Variants in FGGY observed in about 807,000 individuals in gnomAD.
FGGY encodes FGGY carbohydrate kinase domain containing, also known as FGGY carbohydrate kinase domain-containing protein.
FGGY carries 72 observed loss-of-function variants against 71.3 expected under a neutral mutation model. That is an observed-to-expected ratio of 1.01 (90% CI 0.84 to 1.23). FGGY has a LOEUF of 1.23. FGGY is among the 50% of genes most tolerant of loss of function. The pLI is 0.00. For missense variants in FGGY, 668 were observed against 682.3 expected (o/e 0.98, Z 0.23); for synonymous variants, 251 against 250.3 (o/e 1.00, Z -0.02).
At chr1:59,306,059 C>G (rs1478626478) in intron 1 of FGGY, among the ~76,000 whole-genome samples, 1 of 152,168 alleles carries the variant, frequency 6.6e-6, no homozygotes, top group Non-Finnish European at 1.5e-5. Context: ...AAGGACTTAT[C>G]TCATTTTTTC....
intron 14 of FGGY, among the ~76,000 whole-genome samples, chr1:59,677,157 C>T (rs1022810079): frequency 6.6e-6 from 1 of 152,174 alleles, no homozygotes; most frequent in Non-Finnish European, 1.5e-5. Flanking sequence ...AACCTTTGTG[C>T]CCCAGGTCTG....
chr1:59,668,991 CAAAAAAAAAA>C, intron 13 of FGGY, among the ~76,000 whole-genome samples: 1 of 37,120 alleles, frequency 2.7e-5, no homozygotes, highest in South Asian at 9.1e-4. Context: ...AACTCCATCT[CAAAAAAAAAA>C]AAAAAAAAAA....
intron 13 of FGGY, among the ~76,000 whole-genome samples, chr1:59,668,708 C>T (rs1453676826): frequency 6.6e-6 from 1 of 152,074 alleles, no homozygotes; most frequent in Non-Finnish European, 1.5e-5. Context: ...GTCAGCCGGG[C>T]ACGGTGGCTC....
intron 5 of FGGY, among the ~76,000 whole-genome samples, chr1:59,404,079 A>G (rs17119406): frequency 0.042 from 6,326 of 152,292 alleles, 391 homozygotes; most frequent in African/African-American, 0.14. Context: ...ACAACTTGCA[A>G]GGGAACTGGA....
At chr1:59,749,077 G>T (rs1558984054) in intron 14 of FGGY, among the ~76,000 whole-genome samples, 1 of 152,300 alleles carries the variant, frequency 6.6e-6, no homozygotes, top group East Asian at 1.9e-4. Context: ...TGAACACAGG[G>T]AGGTATTGAG....
At chr1:59,619,218 ACT>A (rs2096785692) in intron 9 of FGGY, among the ~76,000 whole-genome samples, 1 of 152,090 alleles carries the variant, frequency 6.6e-6, no homozygotes, top group African/African-American at 2.4e-5. Flanking sequence ...TATTTGAGGT[ACT>A]GTTCTGAGTG....
chr1:59,440,669 G>A (rs774743698), intron 5 of FGGY, among the ~76,000 whole-genome samples: 13 of 147,194 alleles, frequency 8.8e-5, no homozygotes, highest in Non-Finnish European at 1.6e-4. Context: ...CTAGTGTGCA[G>A]TGTAGTATGG....
chr1:59,747,847 A>G (rs2179662), intron 14 of FGGY, among the ~76,000 whole-genome samples: 125,030 of 152,132 alleles, frequency 0.82, 51,479 homozygotes, highest in East Asian at 0.89. Flanking sequence ...ATCAGAAGAA[A>G]ATAAATTGTC....
Position 59,432,953 on chromosome 1 carries a change from C to T in FGGY, c.555-24008C>T, listed in dbSNP as rs148189474. Among the ~76,000 whole-genome samples the T allele has an allele frequency of 2.6e-5, 4 of 152,314 alleles. No individual in the cohort carries two copies. In the East Asian group the frequency reaches 7.7e-4, roughly 29 times the overall value. On this transcript the variant is annotated intron_variant, in intron 5 of 15. Transcript: ENST00000303721. ...GACTGTGGGTAGTTTTCAATCCAGTCACACTAAATGCCAGTTATTTCCTTA... is the reference window on the plus strand; with the variant it reads ...GACTGTGGGTAGTTTTCAATCCAGTTACACTAAATGCCAGTTATTTCCTTA...
At chr1:59,587,448 C>T (rs954563710) in intron 8 of FGGY, among the ~76,000 whole-genome samples, 10 of 152,114 alleles carry the variant, frequency 6.6e-5, no homozygotes, top group African/African-American at 2.4e-4. Flanking sequence ...AGCAGTGGTT[C>T]TCCCAGCACG....
At position 59,545,169 on chromosome 1, in the gene FGGY, T is replaced by C. The variant is rs116474182; in HGVS notation, c.800-8955T>C. ...ATCTTGTAGAATACAAGGAAACAACTTTCATCTTTAGATTTCTAGCACCCA... is the reference window on the plus strand; with the variant it reads ...ATCTTGTAGAATACAAGGAAACAACCTTCATCTTTAGATTTCTAGCACCCA... On this transcript the variant is annotated intron_variant, in intron 7 of 15. Transcript: ENST00000303721. Among the ~76,000 whole-genome samples, 478 of 152,354 alleles carry C rather than the reference T, an allele frequency of 3.1e-3. 2 individuals carry two copies. The highest frequency in any genetic ancestry group is 0.011 in the African/African-American group (453 of 41,582).
intron 8 of FGGY, among the ~76,000 whole-genome samples, chr1:59,585,654 G>T (rs1428714386): frequency 6.6e-6 from 1 of 152,136 alleles, no homozygotes; most frequent in Non-Finnish European, 1.5e-5. Flanking sequence ...GGCAACAAAA[G>T]CCAAAATTGA....
At chr1:59,546,934 G>A (rs1416471453) in intron 7 of FGGY, among the ~76,000 whole-genome samples, 1 of 150,518 alleles carries the variant, frequency 6.6e-6, no homozygotes, top group African/African-American at 2.5e-5. Context: ...ATGAAACATT[G>A]GGATTACCTT....
At chr1:59,687,632 AT>A (rs555098197) in intron 14 of FGGY, among the ~76,000 whole-genome samples, 6,599 of 133,650 alleles carry the variant, frequency 0.049, 236 homozygotes, top group African/African-American at 0.11. Flanking sequence ...ACACCTGGCT[AT>A]TTTTTTTTTT....
intron 14 of FGGY, among the ~76,000 whole-genome samples, chr1:59,681,893 G>T (rs1283897908): frequency 6.6e-6 from 1 of 152,058 alleles, no homozygotes; most frequent in Non-Finnish European, 1.5e-5. Context: ...AAGAGTTTCA[G>T]TTGCAGCATT....
intron 5 of FGGY, among the ~76,000 whole-genome samples, chr1:59,428,268 A>G (rs1331166446): frequency 6.9e-6 from 1 of 145,310 alleles, no homozygotes; most frequent in African/African-American, 2.6e-5. Context: ...AGAGTTTACC[A>G]TATGTATATT....
chr1:59,534,290 A>G (rs549313668), intron 7 of FGGY, among the ~76,000 whole-genome samples: 4 of 152,196 alleles, frequency 2.6e-5, no homozygotes, highest in Admixed American at 6.5e-5. Context: ...AAAAAAGAAT[A>G]AAAAGAAACG....
intron 6 of FGGY, among the ~76,000 whole-genome samples, chr1:59,459,604 C>A (rs961381969): frequency 2.6e-5 from 4 of 152,212 alleles, no homozygotes; most frequent in Admixed American, 6.5e-5. Flanking sequence ...ACAAACTGAT[C>A]TGTGTCAATA....
At chr1:59,508,398 A>G (rs2153624159) in intron 6 of FGGY, among the ~76,000 whole-genome samples, 1 of 152,384 alleles carries the variant, frequency 6.6e-6, no homozygotes, top group South Asian at 2.1e-4. Context: ...TGCTTGAATG[A>G]AGCCTAGAAA....
Sources: allele counts gnomAD v4.1 joint callset (sites outside exome capture counted in the v4.1 genomes callset), GRCh38; gene constraint gnomAD v4.1.1; transcripts MANE v1.5; gene names NCBI Gene and HGNC (gene_info 2026-07-23, HGNC 2026-07-21).